CDH23: variants seen among roughly 807,000 people sequenced by gnomAD.
The protein encoded by CDH23 is cadherin related 23, also known as cadherin-23.
In CDH23, 189 loss-of-function variants were observed where a neutral mutation model predicts 317.1. The ratio of observed to expected loss-of-function variants is 0.60; its 90% confidence interval spans 0.53 to 0.67. The LOEUF (loss-of-function observed/expected upper bound fraction) is 0.67. CDH23 is among the 30% of genes least tolerant of loss of function. The pLI is 0.00. For synonymous variants in CDH23, 1,839 were observed against 1,876.8 expected (o/e 0.98, Z 0.52); for missense variants, 4,401 against 4,592.4 (o/e 0.96, Z 1.20).
At chr10:71,812,722 G>C (rs1158128230) in intron 67 of CDH23, 46 bp from the exon 68 acceptor site, 1 of 1,612,758 alleles carries the variant, frequency 6.2e-7, no homozygotes, top group African/African-American at 1.3e-5. Context: ...CCTTGTACAT[G>C]TGTGTGGGGT....
intron 20 of CDH23, 107 bp downstream of exon 20, chr10:71,690,691 T>C: frequency 1.4e-6 from 1 of 731,886 alleles, no homozygotes. Flanking sequence ...CCTTTCAGTT[T>C]TGAGCAGACC....
At chr10:71,446,229 CCACTGCAGCCCT>C (rs1276347304) in intron 2 of CDH23, 77 bp from the exon 3 acceptor site, 1 of 1,236,634 alleles carries the variant, frequency 8.1e-7, no homozygotes, top group Non-Finnish European at 1.2e-6. Context: ...GGCTCAGTGC[CCACTGCAGCCCT>C]CACCCTGTGT....
At chr10:71,809,626 G>A (rs1841852877) in intron 60 of CDH23, among the ~76,000 whole-genome samples, 194 bp from the exon 61 acceptor site, 1 of 152,204 alleles carries the variant, frequency 6.6e-6, no homozygotes, top group East Asian at 1.9e-4. Flanking sequence ...ATGATAACCG[G>A]CTGAGACCCG....
intron 3 of CDH23, among the ~76,000 whole-genome samples, chr10:71,448,912 C>T (rs1331650796): frequency 6.6e-6 from 1 of 152,178 alleles, no homozygotes; most frequent in Non-Finnish European, 1.5e-5. Flanking sequence ...GTTGAAATGG[C>T]TTGTCCAGGG....
chr10:71,779,039 A>G (rs1840885764), intron 40 of CDH23, among the ~76,000 whole-genome samples: 1 of 152,204 alleles, frequency 6.6e-6, no homozygotes, highest in African/African-American at 2.4e-5. Context: ...TGTCTGGCCA[A>G]TAGCATTTTT....
chr10:71,807,998 T>C lies in CDH23; in HGVS notation c.8713T>C (p.Phe2905Leu), dbSNP rs1229133554. ...ANDSEDVGQV[F>L]TMGSMDGILR... ...CGACTCTGAAGATGTGGGCCAGGTC[T>C]TCACCATGGGTAGGGCCTGGCAGCA... Residue 2905 changes from phenylalanine to leucine, a missense_variant, in exon 60 of 70, where the codon TTC becomes CTC. Around this residue, in one of 3 missense-constraint regions of CDH23, gnomAD observed 1,144 missense variants for 1,138.2 expected, o/e 1.01. Coordinates refer to ENST00000224721, the MANE Select transcript of CDH23 (RefSeq NM_022124.6). The C allele has an allele frequency of 6.3e-7, 1 of 1,587,002 alleles. No individual in the cohort carries two copies. The highest frequency in any genetic ancestry group is 8.6e-7 in the Non-Finnish European group (1 of 1,166,110).
intron 9 of CDH23, among the ~76,000 whole-genome samples, chr10:71,596,217 C>T (rs1859833876): frequency 6.6e-6 from 1 of 152,100 alleles, no homozygotes; most frequent in South Asian, 2.1e-4. Context: ...TGGGATCCCA[C>T]ACAAGGATGT....
intron 3 of CDH23, among the ~76,000 whole-genome samples, chr10:71,460,139 G>A (rs1045978952): frequency 2.0e-5 from 3 of 152,230 alleles, no homozygotes; most frequent in Non-Finnish European, 4.4e-5. Flanking sequence ...CTGAATTCAA[G>A]CCCACATGTC....
chr10:71,718,999 G>A (rs1028998639), intron 28 of CDH23, among the ~76,000 whole-genome samples: 4 of 152,038 alleles, frequency 2.6e-5, no homozygotes, highest in Non-Finnish European at 4.4e-5. Flanking sequence ...GATCATTTGA[G>A]CCCAAAAGTT....
At chr10:71,592,154 T>C (rs1424686250) in intron 9 of CDH23, among the ~76,000 whole-genome samples, 2 of 152,076 alleles carry the variant, frequency 1.3e-5, no homozygotes, top group Admixed American at 6.5e-5. Context: ...GGCATCTGTG[T>C]TTACAAGAAC....
intron 52 of CDH23, 48 bp from the exon 53 acceptor site, chr10:71,800,588 A>G: frequency 6.3e-7 from 1 of 1,593,232 alleles, no homozygotes; most frequent in African/African-American, 1.3e-5. Context: ...TGCTCAATAA[A>G]TATCTTTTGA....
chr10:71,451,679 A>G (rs1850452370), intron 3 of CDH23, among the ~76,000 whole-genome samples: 1 of 152,126 alleles, frequency 6.6e-6, no homozygotes, highest in Non-Finnish European at 1.5e-5. Flanking sequence ...GGGCCTGGCC[A>G]TCCTCTCTGT....
intron 60 of CDH23, 142 bp downstream of exon 60, chr10:71,808,149 C>A: frequency 2.0e-6 from 2 of 987,150 alleles, no homozygotes; most frequent in South Asian, 3.1e-5. Context: ...TCCTATTCAT[C>A]CACCTATTCA....
intron 16 of CDH23, 92 bp downstream of exon 16, chr10:71,677,785 G>A: frequency 9.2e-7 from 1 of 1,091,728 alleles, no homozygotes; most frequent in Non-Finnish European, 1.3e-6. Flanking sequence ...TTGTTTTTAT[G>A]AGACAGGTCT....
chr10:71,776,775 G>A (rs1346843633), intron 38 of CDH23, among the ~76,000 whole-genome samples: 1 of 152,240 alleles, frequency 6.6e-6, no homozygotes, highest in Non-Finnish European at 1.5e-5. Flanking sequence ...AATGGAGGGA[G>A]TGTGGAAGAA....
chr10:71,653,814 A>C (rs747260646), intron 14 of CDH23, among the ~76,000 whole-genome samples: 1 of 152,190 alleles, frequency 6.6e-6, no homozygotes, highest in Non-Finnish European at 1.5e-5. Flanking sequence ...AATAATAATA[A>C]TACTTATCCC....
chr10:71,503,368 C>T (rs555304306), intron 3 of CDH23, among the ~76,000 whole-genome samples: 1 of 152,348 alleles, frequency 6.6e-6, no homozygotes. Flanking sequence ...GATCAGCTAT[C>T]CTTTCCCCTG....
intron 25 of CDH23, among the ~76,000 whole-genome samples, chr10:71,706,155 A>C (rs770072671): frequency 2.3e-4 from 35 of 152,196 alleles, no homozygotes; most frequent in Admixed American, 9.8e-4. Flanking sequence ...TGGTGATACC[A>C]TTCAGAGGAA....
At chr10:71,667,026 C>T (rs1000520158) in intron 14 of CDH23, among the ~76,000 whole-genome samples, 11 of 152,226 alleles carry the variant, frequency 7.2e-5, no homozygotes, top group African/African-American at 2.2e-4. Context: ...CAAATTGTAC[C>T]GCGTGCCCTT....
Sources: allele counts gnomAD v4.1 joint callset (sites outside exome capture counted in the v4.1 genomes callset), GRCh38; gene constraint gnomAD v4.1.1; regional missense constraint gnomAD v4.1.1; transcripts MANE v1.5; gene names NCBI Gene and HGNC (gene_info 2026-07-23, HGNC 2026-07-21).